NCAM2: variants seen among roughly 807,000 people sequenced by gnomAD.
NCAM2 encodes neural cell adhesion molecule 2, also known as N-CAM-2.
NCAM2 carries 30 observed loss-of-function variants against 98.1 expected under a neutral mutation model. The ratio of observed to expected loss-of-function variants is 0.31; its 90% confidence interval spans 0.23 to 0.41. The LOEUF (loss-of-function observed/expected upper bound fraction) is 0.41. Ranked by LOEUF, NCAM2 falls within the 10% of genes least tolerant of loss-of-function variation. The pLI, the probability that NCAM2 is intolerant of heterozygous loss-of-function variation, is 1.00. For missense variants in NCAM2, 867 were observed against 1,005.8 expected (o/e 0.86, Z 1.87); for synonymous variants, 368 against 342.4 (o/e 1.07, Z -0.83).
At chr21:21,222,252 C>G (rs530918170) in intron 1 of NCAM2, among the ~76,000 whole-genome samples, 12 of 152,232 alleles carry the variant, frequency 7.9e-5, no homozygotes, top group African/African-American at 2.9e-4. Flanking sequence ...TGTTTTCATG[C>G]CTGCTAAAAC....
intron 12 of NCAM2, among the ~76,000 whole-genome samples, chr21:21,441,817 C>CAAAG (rs1979319415): frequency 1.3e-5 from 2 of 152,122 alleles, no homozygotes; most frequent in South Asian, 4.2e-4. Flanking sequence ...GATTAAGGAA[C>CAAAG]AAAGAGGTCA....
intron 1 of NCAM2, among the ~76,000 whole-genome samples, chr21:21,046,135 T>G (rs1225598026): frequency 6.6e-6 from 1 of 152,204 alleles, no homozygotes; most frequent in Non-Finnish European, 1.5e-5. Flanking sequence ...CGAAAAACTC[T>G]GATCTCTATA....
chr21:21,452,353 C>A (rs1211594773), intron 12 of NCAM2, among the ~76,000 whole-genome samples: 9 of 130,864 alleles, frequency 6.9e-5, no homozygotes, highest in Non-Finnish European at 1.6e-4. Flanking sequence ...AACTGAAAAG[C>A]ACCTACTATG....
chr21:21,289,342 T>A (rs2073209654), intron 4 of NCAM2, among the ~76,000 whole-genome samples: 1 of 151,838 alleles, frequency 6.6e-6, no homozygotes, highest in Non-Finnish European at 1.5e-5. Flanking sequence ...GAAAGATAAA[T>A]AGGTAAATCA....
In NCAM2 at chr21:21,418,491, A is replaced by G. The variant is rs2077040038; in HGVS notation, c.1402A>G (p.Asn468Asp). The change falls in exon 11 of 18, where the codon AAT becomes GAT. Residue 468 changes from asparagine (N) to aspartate (D), a missense_variant. Transcript: ENST00000400546. ...ATTTCAGATTGCACCTACATCTGAC[A>G]ATGACTTTGGACGCTATAATTGCAC... ...MILEIAPTSD[N>D]DFGRYNCTAT... The G allele has an allele frequency of 6.2e-7, 1 of 1,609,620 alleles. No individual in the cohort carries two copies. Among genetic ancestry groups the G allele is most frequent in the South Asian group, 1.1e-5 (1 of 90,944 alleles).
intron 11 of NCAM2, among the ~76,000 whole-genome samples, chr21:21,425,879 G>A (rs1394868172): frequency 6.6e-6 from 1 of 152,136 alleles, no homozygotes; most frequent in Non-Finnish European, 1.5e-5. Context: ...TATTCTGGAT[G>A]CTATAGCAAA....
chr21:21,458,870 T>G (rs1396204384), intron 12 of NCAM2, among the ~76,000 whole-genome samples: 2 of 152,150 alleles, frequency 1.3e-5, no homozygotes, highest in Non-Finnish European at 2.9e-5. Context: ...GATGAAAAAC[T>G]TCCGCACATA....
intron 15 of NCAM2, among the ~76,000 whole-genome samples, chr21:21,489,457 C>T (rs8134582): frequency 0.88 from 133,889 of 151,984 alleles, 60,495 homozygotes; most frequent in Non-Finnish European, 0.97. Flanking sequence ...CTTTCTCTCT[C>T]TGTCTCTCTT....
rs368904693 is a variant in NCAM2, at chr21:21,395,203, C to T, written c.1196-15071C>T. 7.9e-5 allele frequency among the ~76,000 whole-genome samples: 12 copies of T among 152,162 alleles called. No homozygotes were observed. In the South Asian group the frequency reaches 1.2e-3, roughly 16 times the overall value. ...AAAAAAAATTAGCTGGGCCTGGTGGCGCATGCCTATAATCCCAGCTCTTGG... is the reference window on the plus strand; with the variant it reads ...AAAAAAAATTAGCTGGGCCTGGTGGTGCATGCCTATAATCCCAGCTCTTGG... On this transcript the variant is annotated intron_variant, in intron 9 of 17. Transcript: ENST00000400546.
Position 21,005,360 on chromosome 21 carries a change from A to G in NCAM2, c.55+6742A>G, listed in dbSNP as rs558680660. On this transcript the variant is annotated intron_variant, in intron 1 of 17. Transcript: ENST00000400546. ...GAAATTGGTAGGAACGTGCCGCATG[A>G]AGTTTTACGTTTATTTAACAGAAAA... 3.3e-5 allele frequency among the ~76,000 whole-genome samples: 5 copies of G among 152,304 alleles called. No homozygotes were observed. The South Asian group carries it at 6.2e-4, about 19-fold the overall frequency.
intron 1 of NCAM2, among the ~76,000 whole-genome samples, chr21:21,031,484 C>T (rs894872178): frequency 2.1e-4 from 32 of 152,198 alleles, no homozygotes; most frequent in African/African-American, 7.7e-4. Flanking sequence ...GATTAGTGAG[C>T]TATTGGCCTT....
At chr21:21,341,710 T>TC (rs1201451800) in intron 8 of NCAM2, among the ~76,000 whole-genome samples, 1 of 147,312 alleles carries the variant, frequency 6.8e-6, no homozygotes, top group African/African-American at 2.5e-5. Flanking sequence ...ACAATATTCT[T>TC]TTTTTTTTTT....
At chr21:21,164,964 T>C (rs1362776852) in intron 1 of NCAM2, among the ~76,000 whole-genome samples, 1 of 152,202 alleles carries the variant, frequency 6.6e-6, no homozygotes, top group Non-Finnish European at 1.5e-5. Flanking sequence ...TTGTATCATA[T>C]ACCAGGCACT....
At chr21:21,265,001 T>TATATACAC (rs1172803910) in intron 1 of NCAM2, among the ~76,000 whole-genome samples, 5 of 110,082 alleles carry the variant, frequency 4.5e-5, no homozygotes, top group African/African-American at 1.4e-4. Flanking sequence ...TATGTGTATA[T>TATATACAC]ATACACATAT....
In NCAM2 at chr21:21,251,136, C is replaced by T. The variant is rs1568834333; in HGVS notation, c.56-29442C>T. Among the ~76,000 whole-genome samples, 5 of 151,980 alleles carry T rather than the reference C, an allele frequency of 3.3e-5. No individual in the cohort carries two copies. In the South Asian group the frequency reaches 6.2e-4, roughly 19 times the overall value. On this transcript the variant is annotated intron_variant, in intron 1 of 17. Coordinates refer to ENST00000400546, the MANE Select transcript of NCAM2 (RefSeq NM_004540.5). ...AGAAAGCTAAGTGCTCTTTATCTAA[C>T]ATAAGCCAGAATTATTATTTTATTT...
chr21:21,128,796 A>G (rs2089404800), intron 1 of NCAM2, among the ~76,000 whole-genome samples: 1 of 152,176 alleles, frequency 6.6e-6, no homozygotes, highest in Admixed American at 6.6e-5. Context: ...ATCAATGCTT[A>G]AATTAAATCT....
At chr21:21,155,304 C>G (rs2067578599) in intron 1 of NCAM2, among the ~76,000 whole-genome samples, 1 of 151,386 alleles carries the variant, frequency 6.6e-6, no homozygotes, top group Non-Finnish European at 1.5e-5. Flanking sequence ...CTTAATTCCA[C>G]TATTGAAATG....
intron 8 of NCAM2, among the ~76,000 whole-genome samples, chr21:21,358,362 C>G (rs190426265): frequency 1.5e-4 from 23 of 152,120 alleles, no homozygotes; most frequent in Non-Finnish European, 2.4e-4. Flanking sequence ...CACTAACTTT[C>G]AGTGGGGATT....
At chr21:21,119,354 A>G (rs1263385223) in intron 1 of NCAM2, among the ~76,000 whole-genome samples, 1 of 152,164 alleles carries the variant, frequency 6.6e-6, no homozygotes, top group African/African-American at 2.4e-5. Flanking sequence ...TCTGGTGGTT[A>G]TGGTAGTCAT....
Sources: gnomAD v4.1 joint callset for allele counts (sites outside exome capture counted in the v4.1 genomes callset) on GRCh38, gnomAD v4.1.1 for gene constraint, MANE v1.5 for transcripts, NCBI Gene and HGNC (gene_info 2026-07-23, HGNC 2026-07-21) for gene names.